The following ADAM22 variants were observed in gnomAD, a reference collection of about 807,000 sequenced individuals.
ADAM22 encodes the protein ADAM metallopeptidase domain 22.
Under a neutral mutation model 144.6 loss-of-function variants are expected in ADAM22, and 65 were observed. The ratio of observed to expected loss-of-function variants is 0.45; its 90% CI spans 0.37 to 0.55. ADAM22 has a LOEUF of 0.55. Ranked by LOEUF, ADAM22 falls within the 20% of genes least tolerant of loss-of-function variation. The pLI, the probability that ADAM22 is intolerant of heterozygous loss-of-function variation, is 0.00. For synonymous variants in ADAM22, 391 were observed against 412.6 expected (o/e 0.95, Z 0.63); for missense variants, 974 against 1,184.9 (o/e 0.82, Z 2.61).
chr7:88,132,560 T>C (rs944115014), intron 11 of ADAM22: 1 of 233,616 alleles, frequency 4.3e-6, no homozygotes, highest in African/African-American at 2.3e-5. Flanking sequence ...TGTTAAGATA[T>C]GTATTTTTGG....
At chr7:88,142,301 T>A (rs1163109455) in intron 14 of ADAM22, among the ~76,000 whole-genome samples, 5 of 152,216 alleles carry the variant, frequency 3.3e-5, no homozygotes, top group South Asian at 2.1e-4. Context: ...TTTTTGTGTC[T>A]CTTTAGCTTC....
chr7:88,186,732 T>C, intron 30 of ADAM22, 31 bp downstream of exon 30: 1 of 1,338,940 alleles, frequency 7.5e-7, no homozygotes, highest in Non-Finnish European at 1.1e-6. Flanking sequence ...TATATCCTTC[T>C]CAAACTCTCC....
Position 88,139,087 on chromosome 7 carries a change from G to T in ADAM22, c.1220+3056G>T, listed in dbSNP as rs1433499854. Among the ~76,000 whole-genome samples the T allele has an allele frequency of 2.0e-5, 3 of 152,196 alleles. No homozygotes were observed. In the East Asian group the frequency reaches 5.8e-4, roughly 29 times the overall value. ...GAGTTAGTGACTTTTTACTTTGGCAGTATGGATCCAACTCAGGTTTTGACC... is the reference window on the plus strand; with the variant it reads ...GAGTTAGTGACTTTTTACTTTGGCATTATGGATCCAACTCAGGTTTTGACC... On this transcript the variant is annotated intron_variant, in intron 14 of 31. Transcript: ENST00000413139.
chr7:88,082,678 G>A (rs1365819133), intron 4 of ADAM22, among the ~76,000 whole-genome samples: 1 of 152,058 alleles, frequency 6.6e-6, no homozygotes, highest in Admixed American at 6.6e-5. Flanking sequence ...GTTTGCAAAG[G>A]ATATGAACAG....
At chr7:88,066,955 TGAAAACCA>T (rs746291850) in intron 3 of ADAM22, among the ~76,000 whole-genome samples, 4 of 152,156 alleles carry the variant, frequency 2.6e-5, no homozygotes, top group Non-Finnish European at 5.9e-5. Flanking sequence ...AGCGGTGTGG[TGAAAACCA>T]GATTAGATGG....
chr7:88,035,155 G>C (rs112966007), intron 3 of ADAM22, among the ~76,000 whole-genome samples: 1 of 152,048 alleles, frequency 6.6e-6, no homozygotes, highest in Non-Finnish European at 1.5e-5. Context: ...TGTTTGCCTC[G>C]TTCTCCTAAT....
intron 11 of ADAM22, chr7:88,132,075 C>A (rs1831943188): frequency 6.6e-6 from 1 of 151,748 alleles, no homozygotes; most frequent in Non-Finnish European, 1.5e-5. Flanking sequence ...TCACATTTTC[C>A]CCATTTGTTT....
intron 26 of ADAM22, among the ~76,000 whole-genome samples, chr7:88,175,506 G>A (rs1400883729): frequency 6.6e-6 from 1 of 152,156 alleles, no homozygotes; most frequent in Non-Finnish European, 1.5e-5. Flanking sequence ...TGTAATTAAT[G>A]TGGGGAGAGA....
chr7:88,180,000 C>T (rs1001921574), intron 27 of ADAM22, among the ~76,000 whole-genome samples: 5 of 151,994 alleles, frequency 3.3e-5, no homozygotes, highest in Admixed American at 6.6e-5. Flanking sequence ...TGACCTGTTC[C>T]GGAGTTCTGT....
intron 23 of ADAM22, among the ~76,000 whole-genome samples, chr7:88,165,181 T>C (rs762131547): frequency 1.3e-5 from 2 of 152,052 alleles, no homozygotes; most frequent in Non-Finnish European, 2.9e-5. Flanking sequence ...TTCTGTTTCC[T>C]GAGTGGACTA....
At chr7:88,016,729 T>C (rs1443215682) in intron 3 of ADAM22, among the ~76,000 whole-genome samples, 3 of 152,118 alleles carry the variant, frequency 2.0e-5, no homozygotes, top group Non-Finnish European at 4.4e-5. Flanking sequence ...CTAAAAAAAG[T>C]TGAGCTCATA....
At chr7:88,135,161 C>A (rs1832702482) in intron 13 of ADAM22, among the ~76,000 whole-genome samples, 1 of 150,554 alleles carries the variant, frequency 6.6e-6, no homozygotes, top group Non-Finnish European at 1.5e-5. Context: ...TCTTATAGTA[C>A]CAGCTACTCG....
At chr7:87,990,188 T>G (rs1227959735) in intron 3 of ADAM22, among the ~76,000 whole-genome samples, 1 of 152,072 alleles carries the variant, frequency 6.6e-6, no homozygotes, top group Admixed American at 6.5e-5. Context: ...CAACGTGGTC[T>G]GAGTAGAAAA....
chr7:88,056,197 A>G (rs921463144), intron 3 of ADAM22, among the ~76,000 whole-genome samples: 3 of 152,064 alleles, frequency 2.0e-5, no homozygotes, highest in African/African-American at 7.2e-5. Context: ...TTTCTTCTCC[A>G]TCCTCTTTAC....
chr7:87,970,868 A>G (rs972848366), intron 2 of ADAM22, among the ~76,000 whole-genome samples: 1 of 152,188 alleles, frequency 6.6e-6, no homozygotes, highest in Non-Finnish European at 1.5e-5. Flanking sequence ...AATTATCTTT[A>G]TGTAATTATA....
At chr7:88,129,615 A>G (rs569087751) in intron 9 of ADAM22, among the ~76,000 whole-genome samples, 7 of 152,200 alleles carry the variant, frequency 4.6e-5, no homozygotes, top group African/African-American at 1.7e-4. Flanking sequence ...AACAACATAT[A>G]TTTTGAACAT....
At chr7:87,934,612 C>G (rs1840728564) in intron 1 of ADAM22, 62 bp downstream of exon 1, 1 of 1,485,664 alleles carries the variant, frequency 6.7e-7, no homozygotes, top group South Asian at 1.2e-5. Flanking sequence ...TTGGAGCCCT[C>G]AGGCGTATTG....
intron 3 of ADAM22, among the ~76,000 whole-genome samples, chr7:88,061,800 A>G (rs1444221022): frequency 2.0e-5 from 3 of 151,770 alleles, no homozygotes; most frequent in Non-Finnish European, 2.9e-5. Context: ...TTAGCCCTAA[A>G]CAAAAGAGTC....
At position 88,036,869 on chromosome 7, in the gene ADAM22, CTTCTTTTCT is replaced by C. The variant is rs997963806; in HGVS notation, c.324-38748_324-38740del. Among the ~76,000 whole-genome samples the C allele has an allele frequency of 5.5e-4, 83 of 152,144 alleles. 1 individual carries two copies. The highest frequency in any genetic ancestry group is 1.9e-3 in the African/African-American group (79 of 41,548). On this transcript the variant is annotated intron_variant, in intron 3 of 31. Coordinates refer to ENST00000413139, the MANE Select transcript of ADAM22 (RefSeq NM_001324418.2). ...ATTTGAAGAAAACAGTTGGCTTTTCCTTCTTTTCTTTCTTTTCCTTTCCCAATGAGAATA... is the reference window on the plus strand; with the variant it reads ...ATTTGAAGAAAACAGTTGGCTTTTCCTTCTTTTCCTTTCCCAATGAGAATA...
Sources: allele counts gnomAD v4.1 joint callset (sites outside exome capture counted in the v4.1 genomes callset), GRCh38; gene constraint gnomAD v4.1.1; transcripts MANE v1.5; gene names NCBI Gene and HGNC (gene_info 2026-07-23, HGNC 2026-07-21).